Variants in PRKAG2 observed in about 807,000 individuals in gnomAD.
PRKAG2 encodes 5'-AMP-activated protein kinase subunit gamma-2.
Under a neutral mutation model 69.6 loss-of-function variants are expected in PRKAG2, and 26 were observed. That is an observed-to-expected ratio of 0.37 (90% CI 0.27 to 0.52). The LOEUF is 0.52. Among genes scored for constraint, PRKAG2 ranks in the 20% least tolerant of loss-of-function variants. The pLI is 0.90. For synonymous variants in PRKAG2, 293 were observed against 285.0 expected, an observed-to-expected ratio of 1.03 and a Z score of -0.28; for missense variants, 557 against 740.0, an observed-to-expected ratio of 0.75 and a Z score of 2.87.
intron 1 of PRKAG2, among the ~76,000 whole-genome samples, chr7:151,870,111 T>TGATAGATAGATAGATAGATA (rs57003272): frequency 9.7e-4 from 117 of 120,386 alleles, no homozygotes; most frequent in African/African-American, 1.4e-3. Context: ...AAGGTGCAGA[T>TGATAGATAGATAGATAGATA]GATAGATAGA....
intron 6 of PRKAG2, among the ~76,000 whole-genome samples, chr7:151,590,879 T>C (rs1217809415): frequency 6.6e-6 from 1 of 152,250 alleles, no homozygotes; most frequent in Non-Finnish European, 1.5e-5. Flanking sequence ...ATTAACATTT[T>C]GTGCACGCAG....
intron 14 of PRKAG2, 73 bp from the exon 15 acceptor site, chr7:151,560,690 T>G: frequency 6.4e-7 from 1 of 1,568,084 alleles, no homozygotes; most frequent in African/African-American, 1.4e-5. Context: ...AGAAATAATG[T>G]CCTGTCATGT....
intron 1 of PRKAG2, among the ~76,000 whole-genome samples, chr7:151,875,742 G>A (rs905889969): frequency 1.3e-5 from 2 of 152,072 alleles, no homozygotes; most frequent in Non-Finnish European, 2.9e-5. Context: ...CTTCCGAAAA[G>A]AGAACCACTA....
chr7:151,855,675 C>T (rs2079756839), intron 1 of PRKAG2, among the ~76,000 whole-genome samples: 1 of 151,796 alleles, frequency 6.6e-6, no homozygotes, highest in Non-Finnish European at 1.5e-5. Context: ...GATGTTTTTG[C>T]CAAGCAGAGA....
At chr7:151,600,376 C>T in intron 5 of PRKAG2, among the ~76,000 whole-genome samples, 1 of 152,190 alleles carries the variant, frequency 6.6e-6, no homozygotes, top group East Asian at 1.9e-4. Context: ...TAACCAAGCT[C>T]TTTGGCTGTG....
intron 3 of PRKAG2, among the ~76,000 whole-genome samples, chr7:151,747,917 A>AC (rs1491160298): frequency 2.7e-4 from 31 of 112,860 alleles, no homozygotes; most frequent in African/African-American, 9.2e-4. Context: ...AAAAAAACTT[A>AC]CTTTTTTTTT....
At chr7:151,808,729 C>A (rs530494955) in intron 1 of PRKAG2, among the ~76,000 whole-genome samples, 2 of 152,168 alleles carry the variant, frequency 1.3e-5, no homozygotes, top group East Asian at 3.9e-4. Flanking sequence ...CCTCAGAAAG[C>A]CCCTCCCTCC....
intron 3 of PRKAG2, among the ~76,000 whole-genome samples, chr7:151,776,984 C>A (rs974701605): frequency 2.0e-5 from 3 of 152,132 alleles, no homozygotes; most frequent in Non-Finnish European, 4.4e-5. Context: ...CGGGGTGAGG[C>A]CTCCCGAAGG....
chr7:151,619,452 C>T (rs889581380), intron 5 of PRKAG2, among the ~76,000 whole-genome samples: 10 of 152,192 alleles, frequency 6.6e-5, no homozygotes. Flanking sequence ...CGGTTTTTCA[C>T]TGTATTTATC....
chr7:151,635,147 C>T (rs1462545082), intron 4 of PRKAG2, among the ~76,000 whole-genome samples: 3 of 152,066 alleles, frequency 2.0e-5, no homozygotes, highest in Non-Finnish European at 4.4e-5. Flanking sequence ...GATGAGGTTT[C>T]ACCATATTGG....
intron 3 of PRKAG2, among the ~76,000 whole-genome samples, chr7:151,707,606 C>A (rs1213876772): frequency 6.6e-6 from 1 of 152,126 alleles, no homozygotes; most frequent in African/African-American, 2.4e-5. Context: ...GGGGTGCTCC[C>A]GAAGGTGACT....
At chr7:151,826,076 C>T (rs374816903) in intron 1 of PRKAG2, among the ~76,000 whole-genome samples, 6 of 152,226 alleles carry the variant, frequency 3.9e-5, no homozygotes, top group African/African-American at 1.4e-4. Flanking sequence ...ACCTTTTCCC[C>T]AGTTGGTATG....
At chr7:151,709,005 G>A (rs1337345173) in intron 3 of PRKAG2, among the ~76,000 whole-genome samples, 2 of 152,308 alleles carry the variant, frequency 1.3e-5, no homozygotes, top group African/African-American at 4.8e-5. Context: ...CCATGACACT[G>A]TGTGACACTG....
At position 151,565,844 on chromosome 7, in the gene PRKAG2, C is replaced by T. The variant is rs1424063328; in HGVS notation, c.1275G>A (p.Leu425=). The change falls in exon 12 of 16, where the codon CTG becomes CTA. Residue 425 remains leucine (L), a synonymous_variant. Transcript: ENST00000287878. ...MPKPAFMKQN[L]DELGIGTYHN... ...GGTACGTTCCTATTCCAAGCTCATC[C>T]AGGTTCTGCTTCATGAAGGCAGGCT... 1 of 1,613,578 alleles carries T rather than the reference C, an allele frequency of 6.2e-7. No individual in the cohort carries two copies. Among genetic ancestry groups the T allele is most frequent in the Non-Finnish European group, 8.5e-7 (1 of 1,179,590 alleles).
At chr7:151,692,694 CT>C (rs1403661642) in intron 3 of PRKAG2, among the ~76,000 whole-genome samples, 1 of 152,134 alleles carries the variant, frequency 6.6e-6, no homozygotes, top group Non-Finnish European at 1.5e-5. Flanking sequence ...TGCTTTTCCC[CT>C]GGGCCTTGAA....
intron 6 of PRKAG2, among the ~76,000 whole-genome samples, chr7:151,586,925 T>G (rs981936289): frequency 6.6e-6 from 1 of 152,178 alleles, no homozygotes; most frequent in African/African-American, 2.4e-5. Flanking sequence ...TACTCATTCT[T>G]CAAGGTGGGT....
chr7:151,557,399 CA>C (rs1803976674), intron 15 of PRKAG2, 167 bp from the exon 16 acceptor site: 1 of 985,140 alleles, frequency 1.0e-6, no homozygotes, highest in South Asian at 4.7e-5. Flanking sequence ...ATCTCCCACC[CA>C]ATCGTTCGGG....
At chr7:151,701,740 G>A (rs953262552) in intron 3 of PRKAG2, among the ~76,000 whole-genome samples, 6 of 152,158 alleles carry the variant, frequency 3.9e-5, no homozygotes, top group Non-Finnish European at 7.4e-5. Flanking sequence ...CTACTCGGGA[G>A]GCTGAGGCAG....
At chr7:151,611,234 G>A (rs1818761482) in intron 5 of PRKAG2, among the ~76,000 whole-genome samples, 1 of 152,216 alleles carries the variant, frequency 6.6e-6, no homozygotes, top group African/African-American at 2.4e-5. Flanking sequence ...CACACACAGA[G>A]AGCAGCGGAG....
Sources: allele counts gnomAD v4.1 joint callset (sites outside exome capture counted in the v4.1 genomes callset), GRCh38; gene constraint gnomAD v4.1.1; transcripts MANE v1.5; gene names NCBI Gene and HGNC (gene_info 2026-07-23, HGNC 2026-07-21).